Variants in ASIC2 observed in about 807,000 individuals in gnomAD.
ASIC2 encodes acid-sensing ion channel 2.
ASIC2 carries 25 observed loss-of-function variants against 57.3 expected under a neutral mutation model. The ratio of observed to expected loss-of-function variants is 0.44; its 90% CI spans 0.32 to 0.61. ASIC2 has a LOEUF of 0.61. ASIC2 is among the 20% of genes least tolerant of loss of function. ASIC2 has a pLI of 0.06. For missense variants in ASIC2, 641 were observed against 738.1 expected (o/e 0.87, Z 1.52); for synonymous variants, 319 against 307.5 (o/e 1.04, Z -0.39).
At chr17:33,439,412 G>A (rs1430265069) in intron 1 of ASIC2, among the ~76,000 whole-genome samples, 2 of 152,232 alleles carry the variant, frequency 1.3e-5, no homozygotes, top group Admixed American at 6.5e-5. Flanking sequence ...GTGAAACAGT[G>A]TAGGGGGAAG....
intron 1 of ASIC2, among the ~76,000 whole-genome samples, chr17:33,282,412 A>G (rs1351529363): frequency 1.3e-5 from 2 of 151,808 alleles, no homozygotes; most frequent in Admixed American, 6.6e-5. Flanking sequence ...AAAGCCATCA[A>G]TGTAACACTT....
At chr17:33,936,764 A>G (rs760768833) in intron 1 of ASIC2, 1 of 152,382 alleles carries the variant, frequency 6.6e-6, no homozygotes, top group African/African-American at 2.4e-5. Context: ...CCTCCACTGT[A>G]TGATGAGGGA....
At chr17:34,111,347 C>G (rs1159754194) in intron 1 of ASIC2, among the ~76,000 whole-genome samples, 2 of 148,532 alleles carry the variant, frequency 1.3e-5, no homozygotes, top group Non-Finnish European at 1.5e-5. Flanking sequence ...TATACAGGCA[C>G]CAAAAATGAT....
In ASIC2 at chr17:33,934,878, C is replaced by T. The variant is rs144355953; in HGVS notation, c.555+221100G>A. Among the ~76,000 whole-genome samples the T allele has an allele frequency of 1.1e-3, 165 of 152,342 alleles. 2 individuals are homozygous for T. The highest frequency in any genetic ancestry group is 3.7e-3 in the African/African-American group (155 of 41,570). On this transcript the variant is annotated intron_variant, in intron 1 of 9. Transcript: ENST00000359872. ...AAGCTTTCCAGCTCCTATCAATTCT[C>T]ACAGACCTGTAGTGCCATACTCCCC...
intron 1 of ASIC2, among the ~76,000 whole-genome samples, chr17:34,012,952 C>T (rs372675343): frequency 6.6e-6 from 1 of 152,116 alleles, no homozygotes; most frequent in Non-Finnish European, 1.5e-5. Flanking sequence ...GGCAATGTCC[C>T]CCACTTCCCC....
At chr17:33,308,061 A>T (rs2142201616) in intron 1 of ASIC2, among the ~76,000 whole-genome samples, 1 of 152,348 alleles carries the variant, frequency 6.6e-6, no homozygotes, top group South Asian at 2.1e-4. Flanking sequence ...GAGTTTGTAC[A>T]CTGGTATGTT....
chr17:33,723,104 G>GCTGAATA (rs1382680770), intron 1 of ASIC2, among the ~76,000 whole-genome samples: 2 of 152,018 alleles, frequency 1.3e-5, no homozygotes, highest in Admixed American at 6.6e-5. Flanking sequence ...ATAGCCCAAA[G>GCTGAATA]CTGAATACTG....
chr17:33,016,712 A>C (rs888384210), intron 8 of ASIC2, among the ~76,000 whole-genome samples: 1 of 152,008 alleles, frequency 6.6e-6, no homozygotes, highest in Non-Finnish European at 1.5e-5. Context: ...GCCTTTGGTC[A>C]TGAACAGCCC....
intron 1 of ASIC2, among the ~76,000 whole-genome samples, chr17:33,260,568 G>C (rs2142144015): frequency 6.6e-6 from 1 of 152,340 alleles, no homozygotes; most frequent in Non-Finnish European, 1.5e-5. Flanking sequence ...GGGGGGCGGG[G>C]AATACGAGGT....
intron 1 of ASIC2, among the ~76,000 whole-genome samples, chr17:34,097,268 T>C (rs1015881047): frequency 1.1e-4 from 16 of 151,402 alleles, no homozygotes; most frequent in African/African-American, 3.9e-4. Context: ...CATACGTTCT[T>C]AAAAAGACAC....
At chr17:33,945,988 T>C (rs1429726137) in intron 1 of ASIC2, among the ~76,000 whole-genome samples, 1 of 152,204 alleles carries the variant, frequency 6.6e-6, no homozygotes, top group Admixed American at 6.5e-5. Context: ...TCCTCCAGCA[T>C]GCAAGATGAA....
intron 1 of ASIC2, among the ~76,000 whole-genome samples, chr17:33,408,533 G>A (rs1302796268): frequency 2.6e-5 from 4 of 152,218 alleles, no homozygotes; most frequent in African/African-American, 9.7e-5. Context: ...GTAAAATGAT[G>A]CTATAGTAGG....
intron 1 of ASIC2, among the ~76,000 whole-genome samples, chr17:33,611,784 G>A (rs1197271538): frequency 6.6e-6 from 1 of 152,232 alleles, no homozygotes; most frequent in African/African-American, 2.4e-5. Flanking sequence ...ACATGACCAA[G>A]GCCAACTCAA....
intron 1 of ASIC2, among the ~76,000 whole-genome samples, chr17:33,694,052 A>G (rs1308529215): frequency 6.6e-6 from 1 of 152,130 alleles, no homozygotes; most frequent in African/African-American, 2.4e-5. Context: ...CTCATCTATA[A>G]AATCAGGTGG....
intron 1 of ASIC2, among the ~76,000 whole-genome samples, chr17:33,441,442 T>C (rs946126276): frequency 6.6e-6 from 1 of 152,256 alleles, no homozygotes; most frequent in Non-Finnish European, 1.5e-5. Context: ...TTTTAGTTCT[T>C]ACATTTAGGT....
intron 1 of ASIC2, among the ~76,000 whole-genome samples, chr17:34,095,623 ATATATAATTT>A (rs1461371854): frequency 1.3e-5 from 1 of 77,382 alleles, no homozygotes; most frequent in African/African-American, 1.2e-4. Flanking sequence ...ATATATATAT[ATATATAATTT>A]TATATATATA....
intron 1 of ASIC2, among the ~76,000 whole-genome samples, chr17:33,562,805 G>A (rs575449783): frequency 2.8e-4 from 42 of 152,306 alleles, no homozygotes; most frequent in African/African-American, 9.4e-4. Context: ...CTAGGAGGTA[G>A]GGGTATCAAG....
chr17:33,081,262 A>C (rs994607862), intron 3 of ASIC2, among the ~76,000 whole-genome samples: 1 of 152,126 alleles, frequency 6.6e-6, no homozygotes. Context: ...TGAAAACTTG[A>C]CTCTTGGCAA....
chr17:33,972,075 A>G (rs190164733), intron 1 of ASIC2, among the ~76,000 whole-genome samples: 64 of 152,356 alleles, frequency 4.2e-4, no homozygotes, highest in Admixed American at 8.5e-4. Flanking sequence ...CAGATAAAGA[A>G]ACAAAGTCTT....
Sources: allele counts gnomAD v4.1 joint callset (sites outside exome capture counted in the v4.1 genomes callset), GRCh38; gene constraint gnomAD v4.1.1; transcripts MANE v1.5; gene names NCBI Gene and HGNC (gene_info 2026-07-23, HGNC 2026-07-21).